The following RAP2C variants were observed in gnomAD, a reference collection of about 807,000 sequenced individuals.
RAP2C encodes RAP2C, member of RAS oncogene family, also known as ras-related protein Rap-2c.
In RAP2C, 3 loss-of-function variants were observed where a neutral mutation model predicts 8.9. The observed-to-expected ratio is 0.34, with a 90% CI of 0.15 to 0.87. RAP2C has a LOEUF of 0.87. Among genes scored for constraint, RAP2C ranks in the 40% least tolerant of loss-of-function variants. The probability of loss-of-function intolerance (pLI) is 0.51; values close to 1 mark genes in which losing one functional copy is unlikely to be tolerated. For missense variants in RAP2C, 76 were observed against 133.7 expected (o/e 0.57, Z 2.13); for synonymous variants, 60 against 52.1 (o/e 1.15, Z -0.65).
At chrX:132,206,350 C>T (rs1384257519) in intron 5 of RAP2C, among the ~76,000 whole-genome samples, 2 of 111,376 alleles carry the variant, frequency 1.8e-5, no homozygotes, top group South Asian at 7.5e-4. Flanking sequence ...CTCCCAACCA[C>T]GGGATCTTCT....
chrX:132,210,372 A>C (rs1327010817), intron 5 of RAP2C, among the ~76,000 whole-genome samples: 1 of 112,379 alleles, frequency 8.9e-6, no homozygotes, highest in Non-Finnish European at 1.9e-5. Flanking sequence ...GAAAATGTTT[A>C]TCAATTCCAC....
chrX:132,206,796 G>A (rs1930288330), intron 5 of RAP2C, among the ~76,000 whole-genome samples: 1 of 111,833 alleles, frequency 8.9e-6, no homozygotes, highest in South Asian at 3.6e-4. Flanking sequence ...AACACATTAG[G>A]AAAAAATAGA....
At chrX:132,212,974 G>A (rs1438048865) in intron 5 of RAP2C, among the ~76,000 whole-genome samples, 1 of 112,327 alleles carries the variant, frequency 8.9e-6, no homozygotes, top group Non-Finnish European at 1.9e-5. Flanking sequence ...CATTTTCAAA[G>A]ATGACACTAT....
intron 5 of RAP2C, among the ~76,000 whole-genome samples, chrX:132,211,418 GCTGACCCGGGTTTCCA>G (rs1930426060): frequency 8.9e-6 from 1 of 111,782 alleles, no homozygotes; most frequent in South Asian, 3.7e-4. Context: ...GGGTGACAAT[GCTGACCCGGGTTTCCA>G]TTATACTGCT....
Position 132,217,116 on chromosome X carries a change from G to C in RAP2C, c.153C>G (p.Ser51=). The C allele has an allele frequency of 8.3e-7, 1 of 1,204,751 alleles. No homozygotes were observed. The highest frequency in any genetic ancestry group is 1.1e-6 in the Non-Finnish European group (1 of 891,981). ...CTGCGGTGTCCAGAATTTCCAGCAC[G>C]GAGGGGGAAGAGTCCACTTCGATCT... ...RKEIEVDSSP[S]VLEILDTAGT... is the part of the protein sequence containing the mutation. Residue 51 remains serine, a synonymous_variant, in exon 4 of 6, where the codon TCC becomes TCG. Coordinates refer to ENST00000370874, the MANE Select transcript of RAP2C (RefSeq NM_001271186.2).
chrX:132,212,350 G>A (rs186206423), intron 5 of RAP2C, among the ~76,000 whole-genome samples: 94 of 111,409 alleles, frequency 8.4e-4, no homozygotes, highest in Non-Finnish European at 1.6e-3. Flanking sequence ...AACTAAATAG[G>A]TTAAAAATAA....
chrX:132,218,585 C>T (rs1346567479), intron 1 of RAP2C: 1 of 112,081 alleles, frequency 8.9e-6, no homozygotes, highest in African/African-American at 3.2e-5. Context: ...GTATTTCTTC[C>T]ACTTGCTATT....
intron 4 of RAP2C, among the ~76,000 whole-genome samples, chrX:132,215,460 A>G (rs1365596538): frequency 8.9e-6 from 1 of 111,736 alleles, no homozygotes; most frequent in Non-Finnish European, 1.9e-5. Flanking sequence ...ATTTGCATCA[A>G]TTTGGTTTGA....
intron 5 of RAP2C, among the ~76,000 whole-genome samples, chrX:132,209,495 A>C (rs977174077): frequency 1.8e-5 from 2 of 112,032 alleles, no homozygotes; most frequent in African/African-American, 6.5e-5. Flanking sequence ...TTTTGATTGG[A>C]TATGTTTTTC....
At chrX:132,209,619 T>A (rs1025700465) in intron 5 of RAP2C, among the ~76,000 whole-genome samples, 2 of 112,197 alleles carry the variant, frequency 1.8e-5, no homozygotes, top group Admixed American at 9.4e-5. Flanking sequence ...CTAGAACACT[T>A]CCTTGGTGGC....
At chrX:132,212,063 A>G (rs1471431119) in intron 5 of RAP2C, among the ~76,000 whole-genome samples, 1 of 110,236 alleles carries the variant, frequency 9.1e-6, no homozygotes, top group African/African-American at 3.3e-5. Flanking sequence ...AAAAACCTGC[A>G]TATAGTGCAC....
At chrX:132,208,046 G>T (rs928309701) in intron 5 of RAP2C, among the ~76,000 whole-genome samples, 5 of 110,460 alleles carry the variant, frequency 4.5e-5, no homozygotes, top group Admixed American at 9.7e-5. Flanking sequence ...CAAAGCTTTT[G>T]CTCAGGAAAT....
intron 2 of RAP2C, 87 bp from the exon 3 acceptor site, chrX:132,218,099 CCCCCA>C (rs1350560683): frequency 1.5e-3 from 43 of 29,558 alleles, no homozygotes; most frequent in African/African-American, 6.5e-3. Context: ...TCTCACCCAC[CCCCCA>C]CCCCCACCCC....
intron 4 of RAP2C, 36 bp downstream of exon 4, chrX:132,216,960 C>G: frequency 9.1e-7 from 1 of 1,102,565 alleles, no homozygotes; most frequent in Non-Finnish European, 1.2e-6. Context: ...ATTACCACAC[C>G]CCCTTCTAAC....
chrX:132,218,451 G>A (rs1481504060), intron 1 of RAP2C, 110 bp from the exon 2 acceptor site: 3 of 110,888 alleles, frequency 2.7e-5, no homozygotes, highest in Non-Finnish European at 5.7e-5. Flanking sequence ...TAGGACTTGA[G>A]CGGCTCCCTG....
Position 132,217,318 on chromosome X carries a change from C to T in RAP2C, c.-50G>A, listed in dbSNP as rs777583723. ...CCAGAGGGGGGGAAAGATCACCCCG[C>T]TAGCTGTGGCGCGGCTAGACGAGGC... is the stretch of plus-strand genomic sequence containing the variant. On this transcript the variant is annotated 5_prime_UTR_variant, in exon 4 of 6. Transcript: ENST00000370874. The T allele has an allele frequency of 3.8e-5, 39 of 1,032,763 alleles. No individual in the cohort carries two copies. The highest frequency in any genetic ancestry group is 3.7e-5 in the Admixed American group (1 of 27,218). 85.1% of individuals were successfully genotyped at this position (1,032,763 alleles called of 1,213,427 possible).
chrX:132,209,146 T>C (rs1242743621), intron 5 of RAP2C, among the ~76,000 whole-genome samples: 3 of 112,007 alleles, frequency 2.7e-5, no homozygotes, highest in Admixed American at 1.9e-4. Context: ...ACCTATGGCA[T>C]AGAATCCTTG....
chrX:132,212,767 C>G (rs1189009486), intron 5 of RAP2C, among the ~76,000 whole-genome samples: 1 of 111,598 alleles, frequency 9.0e-6, no homozygotes, highest in Non-Finnish European at 1.9e-5. Context: ...GATCCATAAG[C>G]CTCTCCCCTC....
chrX:132,214,581 CAG>C, intron 4 of RAP2C, 135 bp from the exon 5 acceptor site: 1 of 1,075,815 alleles, frequency 9.3e-7, no homozygotes, highest in Non-Finnish European at 1.2e-6. Flanking sequence ...CACACCTAAA[CAG>C]AGAAATCGTC....
Sources: gnomAD v4.1 joint callset for allele counts (sites outside exome capture counted in the v4.1 genomes callset) on GRCh38, gnomAD v4.1.1 for gene constraint, MANE v1.5 for transcripts, NCBI Gene and HGNC (gene_info 2026-07-23, HGNC 2026-07-21) for gene names.